MAGI3: variants seen among roughly 807,000 people sequenced by gnomAD.
MAGI3 encodes membrane associated guanylate kinase, WW and PDZ domain containing 3, also known as membrane-associated guanylate kinase, WW and PDZ domain-containing protein 3.
Under a neutral mutation model 121.8 loss-of-function variants are expected in MAGI3, and 43 were observed. The observed-to-expected ratio is 0.35, with a 90% CI of 0.28 to 0.46. The LOEUF (loss-of-function observed/expected upper bound fraction) is 0.46, where lower values mean the gene tolerates loss of function less well. Ranked by LOEUF, MAGI3 falls within the 20% of genes least tolerant of loss-of-function variation. The pLI, the probability that MAGI3 is intolerant of heterozygous loss-of-function variation, is 1.00. For synonymous variants in MAGI3, 553 were observed against 639.3 expected, an observed-to-expected ratio of 0.86 and a Z score of 2.04; for missense variants, 1,547 against 1,797.3, an observed-to-expected ratio of 0.86 and a Z score of 2.52.
At chr1:113,489,714 T>C (rs1276570706) in intron 1 of MAGI3, among the ~76,000 whole-genome samples, 1 of 151,916 alleles carries the variant, frequency 6.6e-6, no homozygotes, top group African/African-American at 2.4e-5. Context: ...CCAACAGAGC[T>C]GAAAAACACA....
chr1:113,463,803 G>C (rs1044434967), intron 1 of MAGI3, among the ~76,000 whole-genome samples: 1 of 152,006 alleles, frequency 6.6e-6, no homozygotes, highest in Non-Finnish European at 1.5e-5. Flanking sequence ...ACATATTAAG[G>C]CTTGACATTA....
At chr1:113,393,908 A>G (rs557893240) in intron 1 of MAGI3, among the ~76,000 whole-genome samples, 2 of 152,240 alleles carry the variant, frequency 1.3e-5, no homozygotes, top group Non-Finnish European at 2.9e-5. Flanking sequence ...ATTAAACCAT[A>G]TTCATAACAT....
chr1:113,612,369 C>T (rs922385011), intron 6 of MAGI3, among the ~76,000 whole-genome samples: 9 of 152,122 alleles, frequency 5.9e-5, no homozygotes, highest in African/African-American at 2.2e-4. Context: ...CTTCTGTCTT[C>T]CTGTCTAGAC....
chr1:113,437,963 T>G (rs1182524745), intron 1 of MAGI3, among the ~76,000 whole-genome samples: 4 of 148,896 alleles, frequency 2.7e-5, no homozygotes, highest in Non-Finnish European at 4.4e-5. Flanking sequence ...CTTCTTTTCT[T>G]TTTTGAATAT....
At chr1:113,458,911 TA>T (rs1654898403) in intron 1 of MAGI3, among the ~76,000 whole-genome samples, 1 of 152,190 alleles carries the variant, frequency 6.6e-6, no homozygotes. Flanking sequence ...ACAACCTTAT[TA>T]GAAACTTTAA....
chr1:113,559,977 A>G (rs909282942), intron 2 of MAGI3, among the ~76,000 whole-genome samples: 1 of 152,180 alleles, frequency 6.6e-6, no homozygotes, highest in Admixed American at 6.5e-5. Context: ...TGAGACGGAA[A>G]ATTAACAAAG....
At chr1:113,415,939 AAGT>A (rs1463829421) in intron 1 of MAGI3, among the ~76,000 whole-genome samples, 2 of 151,032 alleles carry the variant, frequency 1.3e-5, no homozygotes, top group African/African-American at 4.9e-5. Context: ...AAGCTAGTGA[AAGT>A]AGCCAAATGT....
chr1:113,644,690 C>T (rs1225852759), intron 11 of MAGI3, among the ~76,000 whole-genome samples: 2 of 152,160 alleles, frequency 1.3e-5, no homozygotes, highest in Non-Finnish European at 2.9e-5. Context: ...TAAATAATCA[C>T]GTAGCCTGTT....
At chr1:113,420,315 A>G (rs544703492) in intron 1 of MAGI3, among the ~76,000 whole-genome samples, 1 of 152,278 alleles carries the variant, frequency 6.6e-6, no homozygotes, top group African/African-American at 2.4e-5. Context: ...ATATGGAACA[A>G]TCCCTGCCTT....
intron 1 of MAGI3, among the ~76,000 whole-genome samples, chr1:113,538,961 C>T (rs1356075204): frequency 6.6e-6 from 1 of 152,108 alleles, no homozygotes; most frequent in Non-Finnish European, 1.5e-5. Flanking sequence ...CCTCCTTTTC[C>T]ATTAATGACA....
At chr1:113,576,446 C>T (rs967451483) in intron 2 of MAGI3, among the ~76,000 whole-genome samples, 3 of 152,110 alleles carry the variant, frequency 2.0e-5, no homozygotes, top group African/African-American at 7.2e-5. Flanking sequence ...CTGGATGAGG[C>T]GCTGCCCCAC....
At chr1:113,609,021 A>G (rs1034757562) in intron 6 of MAGI3, among the ~76,000 whole-genome samples, 2 of 152,100 alleles carry the variant, frequency 1.3e-5, no homozygotes, top group Middle Eastern at 6.8e-3. Context: ...AATATGGGCT[A>G]CTCTCCCACT....
intron 1 of MAGI3, among the ~76,000 whole-genome samples, chr1:113,467,082 T>G (rs776347033): frequency 6.6e-6 from 1 of 152,132 alleles, no homozygotes; most frequent in Non-Finnish European, 1.5e-5. Flanking sequence ...TGTTTATTGC[T>G]ATAAACTTCC....
chr1:113,661,983 G>T (rs1259223983), intron 16 of MAGI3, among the ~76,000 whole-genome samples: 1 of 152,044 alleles, frequency 6.6e-6, no homozygotes, highest in Admixed American at 6.6e-5. Context: ...AAGCCTTCCA[G>T]GTTCTCATAA....
chr1:113,642,146 G>A lies in MAGI3; in HGVS notation c.1596G>A (p.Lys532=), dbSNP rs1410274749. 3 of 1,614,056 alleles carry A rather than the reference G, an allele frequency of 1.9e-6. No individual in the cohort carries two copies. The highest frequency in any genetic ancestry group is 2.5e-6 in the Non-Finnish European group (3 of 1,180,036). Residue 532 remains lysine, a synonymous_variant, in exon 10 of 21, where the codon AAG becomes AAA. Coordinates refer to ENST00000307546, the MANE Select transcript of MAGI3 (RefSeq NM_001142782.2). ...CTTGCATGAATCCTCAGGATTTTAAGCCAGGAGCAATGGTTCTGGAGCAGA... is the reference window on the plus strand; with the variant it reads ...CTTGCATGAATCCTCAGGATTTTAAACCAGGAGCAATGGTTCTGGAGCAGA... ...GETCMNPQDF[K]PGAMVLEQNG...
rs115193777 is a variant in MAGI3, at chr1:113,466,199, C to A, written c.316+74850C>A. Among the ~76,000 whole-genome samples the A allele has an allele frequency of 7.7e-3, 1,168 of 152,204 alleles. 8 individuals carry two copies. Among genetic ancestry groups the A allele is most frequent in the Admixed American group, 0.014 (216 of 15,276 alleles). On this transcript the variant is annotated intron_variant, in intron 1 of 20. Transcript: ENST00000307546. Reference sequence around the variant, plus strand: ...ATACCCTTTGTGATGAGGATTTTATCATAAAGGGATGTTGAATTTTATCAA... The same window carrying A: ...ATACCCTTTGTGATGAGGATTTTATAATAAAGGGATGTTGAATTTTATCAA...
At chr1:113,550,102 C>T (rs1237498047) in intron 2 of MAGI3, among the ~76,000 whole-genome samples, 2 of 124,800 alleles carry the variant, frequency 1.6e-5, no homozygotes, top group Non-Finnish European at 3.3e-5. Flanking sequence ...GGTGACAGAG[C>T]GATACTCTGT....
At chr1:113,553,535 G>A (rs1400630726) in intron 2 of MAGI3, among the ~76,000 whole-genome samples, 4 of 152,144 alleles carry the variant, frequency 2.6e-5, no homozygotes, top group African/African-American at 9.7e-5. Flanking sequence ...TCAGCTTGGT[G>A]GAAGAATCCC....
At chr1:113,509,280 A>G (rs979880830) in intron 1 of MAGI3, among the ~76,000 whole-genome samples, 1 of 151,858 alleles carries the variant, frequency 6.6e-6, no homozygotes, top group East Asian at 1.9e-4. Flanking sequence ...CCTTCTTTTT[A>G]TGAATTCCCT....
Sources: gnomAD v4.1 joint callset for allele counts (sites outside exome capture counted in the v4.1 genomes callset) on GRCh38, gnomAD v4.1.1 for gene constraint, MANE v1.5 for transcripts, NCBI Gene and HGNC (gene_info 2026-07-23, HGNC 2026-07-21) for gene names.